Variants in FADS6 observed in about 807,000 individuals in gnomAD.
FADS6 encodes the protein fatty acid desaturase 6.
FADS6 carries 28 observed loss-of-function variants against 31.7 expected under a neutral mutation model. The observed-to-expected ratio is 0.88, with a 90% CI of 0.66 to 1.21. The LOEUF (loss-of-function observed/expected upper bound fraction) is 1.21, where lower values mean the gene tolerates loss of function less well. FADS6 is among the 50% of genes most tolerant of loss of function. The pLI is 0.00. For missense variants in FADS6, 494 were observed against 504.2 expected (o/e 0.98, Z 0.19); for synonymous variants, 191 against 213.1 (o/e 0.90, Z 0.90).
At position 74,882,678 on chromosome 17, in the gene FADS6, C is replaced by T. The variant is rs770185420; in HGVS notation, c.444G>A (p.Thr148=). ...CATGGTGCATCTTGACGTGCCCATG[C>T]GTGGCGTGCTCTGCAGTGAAGGCTG... The part of the protein sequence containing the change: ...VCTAFTAEHA[T]HGHVKMHHAY... The change falls in exon 3 of 6, where the codon ACG becomes ACA. Residue 148 remains threonine, a synonymous_variant. Coordinates refer to ENST00000612771, the MANE Select transcript of FADS6 (RefSeq NM_178128.6). 9.9e-6 allele frequency: 16 copies of T among 1,610,900 alleles called. No individual in the cohort carries two copies. Among genetic ancestry groups the T allele is most frequent in the African/African-American group, 9.3e-5 (7 of 74,878 alleles).
downstream of FADS6, among the ~76,000 whole-genome samples, chr17:74,877,145 C>T: frequency 6.6e-6 from 1 of 152,204 alleles, no homozygotes; most frequent in African/African-American, 2.4e-5. Flanking sequence ...TCTCTGAGGT[C>T]ATCCGTCCTC....
intron 2 of FADS6, among the ~76,000 whole-genome samples, chr17:74,886,551 A>G (rs922091826): frequency 5.3e-5 from 8 of 152,072 alleles, no homozygotes; most frequent in Admixed American, 5.2e-4. Context: ...ATCATCTTCC[A>G]GGAGGAAATG....
chr17:74,877,962 C>A lies in FADS6; in HGVS notation c.*369G>T. On this transcript the variant is annotated 3_prime_UTR_variant, in exon 6 of 6. Coordinates refer to ENST00000612771, the MANE Select transcript of FADS6 (RefSeq NM_178128.6). ...CTGTTCTCTCTGTGCCCCCTGCTAT[C>A]TCCCAGGTGGCCCCTGCACAGGATC... is the stretch of plus-strand genomic sequence containing the variant. 1 of 1,012,652 alleles carries A rather than the reference C, an allele frequency of 9.9e-7. No homozygotes were observed. The highest frequency in any genetic ancestry group is 1.2e-6 in the Non-Finnish European group (1 of 848,056). The allele number at this position is 1,012,652 out of a possible 1,614,324, so 62.7% of individuals were successfully genotyped here.
chr17:74,875,336 A>G (rs930173467), downstream of FADS6, among the ~76,000 whole-genome samples: 1 of 152,216 alleles, frequency 6.6e-6, no homozygotes, highest in Non-Finnish European at 1.5e-5. Flanking sequence ...ATCATCATCC[A>G]TATGTATTAT....
At chr17:74,876,180 G>A (rs943230897), downstream of FADS6, among the ~76,000 whole-genome samples, 8 of 152,168 alleles carry the variant, frequency 5.3e-5, no homozygotes, top group African/African-American at 1.7e-4. Context: ...GCTCTCCAAC[G>A]GAACAAGGCT....
Position 74,882,657 on chromosome 17 carries a change from G to A in FADS6, c.465C>T (p.His155=), listed in dbSNP as rs949419206. 1.1e-5 allele frequency: 18 copies of A among 1,611,520 alleles called. No individual in the cohort carries two copies. The highest frequency in any genetic ancestry group is 1.4e-5 in the Non-Finnish European group (17 of 1,179,102). The part of the protein sequence containing the change: ...EHATHGHVKM[H]HAYTNVVGLG... ...GGCCCACCACGTTGGTGTAGGCATGGTGCATCTTGACGTGCCCATGCGTGG... is the reference window on the plus strand; with the variant it reads ...GGCCCACCACGTTGGTGTAGGCATGATGCATCTTGACGTGCCCATGCGTGG... Residue 155 remains histidine, a synonymous_variant, in exon 3 of 6, where the codon CAC becomes CAT. Coordinates refer to ENST00000612771, the MANE Select transcript of FADS6 (RefSeq NM_178128.6).
At chr17:74,882,793 A>G (rs1598556942) in intron 2 of FADS6, 83 bp from the exon 3 acceptor site, 2 of 1,540,348 alleles carry the variant, frequency 1.3e-6, no homozygotes, top group African/African-American at 1.4e-5. Flanking sequence ...CCCGGAGAAC[A>G]CCCCCACCTC....
Position 74,878,330 on chromosome 17 carries a change from A to G in FADS6, c.*1T>C. The stretch of plus-strand genomic sequence containing the variant: ...AGGGTGGCTGCACCGGCCCGGCCTC[A>G]TTACAGCCCCACAAGCTCAGTGATG... On this transcript the variant is annotated 3_prime_UTR_variant, in exon 6 of 6. Coordinates refer to ENST00000612771, the MANE Select transcript of FADS6 (RefSeq NM_178128.6). 6.2e-7 allele frequency: 1 copy of G among 1,612,892 alleles called. No individual in the cohort carries two copies.
Position 74,882,615 on chromosome 17 carries a change from C to T in FADS6, c.507G>A (p.Thr169=), listed in dbSNP as rs767030840. The T allele has an allele frequency of 1.9e-5, 30 of 1,611,544 alleles. No individual in the cohort carries two copies. The East Asian group carries it at 2.7e-4, about 14-fold the overall frequency. ...TNVVGLGDSS[T]WRLPCLNRYV... is the part of the protein sequence containing the mutation. ...AGCGGTTGAGGCAAGGCAGCCTCCA[C>T]GTGCTGGAGTCCCCCAGGCCCACCA... The change falls in exon 3 of 6, where the codon ACG becomes ACA. Residue 169 remains threonine, a synonymous_variant. Coordinates refer to ENST00000612771, the MANE Select transcript of FADS6 (RefSeq NM_178128.6).
At chr17:74,879,209 G>C in intron 5 of FADS6, 195 bp downstream of exon 5, 1 of 669,788 alleles carries the variant, frequency 1.5e-6, no homozygotes, top group Admixed American at 3.2e-5. Context: ...GCTAATTTTT[G>C]AATTTTTTGT....
At position 74,893,113 on chromosome 17, in the gene FADS6, T is replaced by G. The variant is rs2038710190; in HGVS notation, c.244+239A>C. On this transcript the variant is annotated intron_variant, in intron 1 of 5. Coordinates refer to ENST00000612771, the MANE Select transcript of FADS6 (RefSeq NM_178128.6). ...CTCTCAACTTTCCCTTCCACCACCC[T>G]CCTGCGCCCCCTCCTAGGGTACACA... is the stretch of plus-strand genomic sequence containing the variant. Among the ~76,000 whole-genome samples, 4 of 148,754 alleles carry G rather than the reference T, an allele frequency of 2.7e-5. 1 individual carries two copies. The South Asian group carries it at 8.4e-4, about 31-fold the overall frequency.
Position 74,893,480 on chromosome 17 carries a change from C to T in FADS6, c.116G>A (p.Arg39His), listed in dbSNP as rs553427101. ...CTCCCGCAGCAGCGCCTCGCCCCCACGGTGCGCGCTCCGCGCCGGTTCCAT... is the reference window on the plus strand; with the variant it reads ...CTCCCGCAGCAGCGCCTCGCCCCCATGGTGCGCGCTCCGCGCCGGTTCCAT... The part of the protein sequence containing the change: ...EPMEPARSAH[R>H]GGEALLRELE... Residue 39 changes from arginine (R) to histidine (H), a missense_variant, in exon 1 of 6, where the codon CGT (arginine) becomes CAT (histidine). Around this residue, in one of 2 missense-constraint regions of FADS6, gnomAD observed 454 missense variants for 438.5 expected, o/e 1.04. Transcript: ENST00000612771. The T allele has an allele frequency of 4.0e-5, 62 of 1,552,150 alleles. No homozygotes were observed. In the South Asian group the frequency reaches 7.0e-4, roughly 18 times the overall value.
rs1187195013 is a variant in FADS6, at chr17:74,878,297, G to T, written c.*34C>A. The T allele has an allele frequency of 6.3e-7, 1 of 1,594,670 alleles. No individual in the cohort carries two copies. Among genetic ancestry groups the T allele is most frequent in the Non-Finnish European group, 8.5e-7 (1 of 1,170,486 alleles). On this transcript the variant is annotated 3_prime_UTR_variant, in exon 6 of 6. Coordinates refer to ENST00000612771, the MANE Select transcript of FADS6 (RefSeq NM_178128.6). ...AGCAGGAGGGCCAGGGCCAGGCCAG[G>T]GAGGGGCAGGGTGGCTGCACCGGCC...
chr17:74,893,447 A>G lies in FADS6; in HGVS notation c.149T>C (p.Val50Ala), dbSNP rs1567930970. The G allele has an allele frequency of 1.0e-5, 16 of 1,587,804 alleles. No homozygotes were observed. The highest frequency in any genetic ancestry group is 1.3e-5 in the Non-Finnish European group (15 of 1,169,020). ...GGEALLRELE[V>A]LVQDVVRTSS... ...CGTCCTCACCACGTCCTGCACCAGC[A>G]CCTCCAGCTCCCGCAGCAGCGCCTC... Residue 50 changes from valine (V) to alanine (A), a missense_variant, in exon 1 of 6, where the codon GTG becomes GCG. Coordinates refer to ENST00000612771, the MANE Select transcript of FADS6 (RefSeq NM_178128.6).
intron 5 of FADS6, chr17:74,879,150 AC>A: frequency 2.2e-6 from 1 of 450,170 alleles, no homozygotes; most frequent in South Asian, 2.5e-5. Context: ...GGTGGTCCTC[AC>A]CTCAGCTTCC....
At chr17:74,882,425 T>C in intron 3 of FADS6, 105 bp downstream of exon 3, 1 of 1,298,188 alleles carries the variant, frequency 7.7e-7, no homozygotes, top group Non-Finnish European at 1.0e-6. Context: ...CACGTATCTA[T>C]CGGGCCTTCC....
At chr17:74,886,767 G>A (rs1260867293) in intron 2 of FADS6, among the ~76,000 whole-genome samples, 1 of 151,986 alleles carries the variant, frequency 6.6e-6, no homozygotes, top group Non-Finnish European at 1.5e-5. Flanking sequence ...TTGGATTCTG[G>A]TGACCCCTGA....
At position 74,893,439 on chromosome 17, in the gene FADS6, G is replaced by C; in HGVS notation, c.157C>G (p.Gln53Glu). Residue 53 changes from glutamine (Q) to glutamate (E), a missense_variant, in exon 1 of 6, where the codon CAG becomes GAG. Gln to Glu is a conservative substitution (Grantham distance 29). Coordinates refer to ENST00000612771, the MANE Select transcript of FADS6 (RefSeq NM_178128.6). ...CAGGAGCTCGTCCTCACCACGTCCT[G>C]CACCAGCACCTCCAGCTCCCGCAGC... The part of the protein sequence containing the change: ...ALLRELEVLV[Q>E]DVVRTSSWWE... 3 of 1,584,636 alleles carry C rather than the reference G, an allele frequency of 1.9e-6. No individual in the cohort carries two copies. The highest frequency in any genetic ancestry group is 1.7e-6 in the Non-Finnish European group (2 of 1,167,344).
chr17:74,878,277 G>GAGGGCC lies in FADS6; in HGVS notation c.*48_*53dup. On this transcript the variant is annotated 3_prime_UTR_variant, in exon 6 of 6. Transcript: ENST00000612771. ...ACACCCCCTGGACCAGCAGCAGCAGGAGGGCCAGGGCCAGGCCAGGGAGGG... is the reference window on the plus strand; with the variant it reads ...ACACCCCCTGGACCAGCAGCAGCAGGAGGGCCAGGGCCAGGGCCAGGCCAGGGAGGG... 3.9e-6 allele frequency: 6 copies of GAGGGCC among 1,555,740 alleles called. No individual in the cohort carries two copies. The highest frequency in any genetic ancestry group is 1.2e-5 in the South Asian group (1 of 83,850).
Sources: allele counts gnomAD v4.1 joint callset (sites outside exome capture counted in the v4.1 genomes callset), GRCh38; gene constraint gnomAD v4.1.1; regional missense constraint gnomAD v4.1.1; transcripts MANE v1.5; gene names NCBI Gene and HGNC (gene_info 2026-07-23, HGNC 2026-07-21).